TSKU: variants seen among roughly 807,000 people sequenced by gnomAD.
TSKU encodes tsukushi, small leucine rich proteoglycan.
Under a neutral mutation model 11.2 loss-of-function variants are expected in TSKU, and 4 were observed. That is an observed-to-expected ratio of 0.36 (90% CI 0.18 to 0.82). The LOEUF (loss-of-function observed/expected upper bound fraction) is 0.82, where lower values mean the gene tolerates loss of function less well. Ranked by LOEUF, TSKU falls within the 40% of genes least tolerant of loss-of-function variation. The pLI is 0.50. For missense variants in TSKU, 407 were observed against 482.5 expected, an observed-to-expected ratio of 0.84 and a Z score of 1.47; for synonymous variants, 220 against 232.2, an observed-to-expected ratio of 0.95 and a Z score of 0.48.
In TSKU at chr11:76,796,081, T is replaced by A; in HGVS notation, c.465T>A (p.Ser155Arg). The change falls in exon 2 of 2, where the codon AGT (serine) becomes AGA (arginine). Residue 155 changes from serine to arginine, a missense_variant. Ser to Arg is a moderately radical substitution (Grantham distance 110). Coordinates refer to ENST00000333090, the MANE Select transcript of TSKU (RefSeq NM_015516.4). This position sits in a 1 kb window ranked among gnomAD's most constrained non-coding sequence, Gnocchi z 4.1. ...EVSVSAFTTH[S>R]QGRALHVDLS... ...CAGTGTCTGCCTTCACGACGCACAG[T>A]CAGGGCCGGGCACTACACGTGGACC... The A allele has an allele frequency of 9.9e-6, 16 of 1,613,860 alleles. No homozygotes were observed. The highest frequency in any genetic ancestry group is 1.4e-5 in the Non-Finnish European group (16 of 1,179,988).
Position 76,795,875 on chromosome 11 carries a change from G to C in TSKU, c.259G>C (p.Ala87Pro). ...VLAGPGYTTL[A>P]GLDLSHNLLT... ...GGCGGGGCCGGGCTACACGACGTTGGCTGGCCTGGATCTCAGCCACAACCT... is the reference window on the plus strand; with the variant it reads ...GGCGGGGCCGGGCTACACGACGTTGCCTGGCCTGGATCTCAGCCACAACCT... Residue 87 changes from alanine (A) to proline (P), a missense_variant, in exon 2 of 2, where the codon GCT becomes CCT. By Grantham distance (27) the Ala-to-Pro change is conservative. Coordinates refer to ENST00000333090, the MANE Select transcript of TSKU (RefSeq NM_015516.4). 1.2e-6 allele frequency: 2 copies of C among 1,613,744 alleles called. No homozygotes were observed. The highest frequency in any genetic ancestry group is 1.7e-6 in the Non-Finnish European group (2 of 1,180,016).
At position 76,796,764 on chromosome 11, in the gene TSKU, C is replaced by G. The variant is rs1944459001; in HGVS notation, c.*86C>G. On this transcript the variant is annotated 3_prime_UTR_variant, in exon 2 of 2. Transcript: ENST00000333090. This position sits in a 1 kb window ranked among gnomAD's most constrained non-coding sequence, Gnocchi z 4.1. ...GTAACTTATGTTCAATGTGCCAACA[C>G]CAGTGGGGAGCCCGCAGGCCTATGT... 1 of 1,117,286 alleles carries G rather than the reference C, an allele frequency of 9.0e-7. No homozygotes were observed. The highest frequency in any genetic ancestry group is 2.3e-5 in the South Asian group (1 of 42,812). The allele number at this position is 1,117,286 out of a possible 1,614,324, so 69.2% of individuals were successfully genotyped here. A position where few individuals can be genotyped will look rare whatever the true frequency, so the allele number is the denominator to read the frequency against.
intron 1 of TSKU, among the ~76,000 whole-genome samples, chr11:76,786,564 A>G (rs1944314490): frequency 6.6e-6 from 1 of 152,208 alleles, no homozygotes; most frequent in Non-Finnish European, 1.5e-5. Flanking sequence ...TCTGTTGGGA[A>G]GTGCGTTCTG....
rs1248164356 is a variant in TSKU at position 76,796,475 on chromosome 11, T to C, written c.859T>C (p.Ser287Pro). ...GLSSLQELDL[S>P]GTNLVPLPEA... ...GAGCTCCCTGCAGGAGCTGGACCTTTCGGGCACCAACCTGGTGCCCCTGCC... is the reference window on the plus strand; with the variant it reads ...GAGCTCCCTGCAGGAGCTGGACCTTCCGGGCACCAACCTGGTGCCCCTGCC... Residue 287 changes from serine to proline, a missense_variant, in exon 2 of 2, where the codon TCG (serine) becomes CCG (proline). Coordinates refer to ENST00000333090, the MANE Select transcript of TSKU (RefSeq NM_015516.4). This position sits in a 1 kb window ranked among gnomAD's most constrained non-coding sequence, Gnocchi z 4.1. 6.2e-7 allele frequency: 1 copy of C among 1,613,026 alleles called. No homozygotes were observed. The highest frequency in any genetic ancestry group is 8.5e-7 in the Non-Finnish European group (1 of 1,179,816).
In TSKU at chr11:76,796,556, G is replaced by A. The variant is rs150165524; in HGVS notation, c.940G>A (p.Val314Met). 137 of 1,592,482 alleles carry A rather than the reference G, an allele frequency of 8.6e-5. 1 individual carries two copies. Among genetic ancestry groups the A allele is most frequent in the Non-Finnish European group, 1.9e-5 (22 of 1,167,794 alleles). The change falls in exon 2 of 2, where the codon GTG (valine) becomes ATG (methionine). Residue 314 changes from valine (V) to methionine (M), a missense_variant. Transcript: ENST00000333090. The surrounding 1 kb of genome is among the most constrained non-coding windows in gnomAD (Gnocchi z 4.1). ...ALQSVSVGQD[V>M]RCRRLVREGT... ...GCAGAGCGTCAGCGTGGGCCAGGAT[G>A]TGCGGTGCCGGCGCCTGGTGCGGGA...
intron 1 of TSKU, among the ~76,000 whole-genome samples, chr11:76,795,320 CA>C (rs1944424696): frequency 6.6e-6 from 1 of 152,274 alleles, no homozygotes; most frequent in Non-Finnish European, 1.5e-5. Context: ...AGGTCCCCCT[CA>C]CTTCAGCCAG....
chr11:76,788,292 G>A (rs191623502), intron 1 of TSKU, among the ~76,000 whole-genome samples: 4 of 152,120 alleles, frequency 2.6e-5, no homozygotes, highest in South Asian at 4.2e-4. Context: ...GGAAGTTGTC[G>A]AGGGCGGTGG....
chr11:76,788,671 C>A (rs903642274), intron 1 of TSKU, among the ~76,000 whole-genome samples: 1 of 152,238 alleles, frequency 6.6e-6, no homozygotes, highest in East Asian at 1.9e-4. Flanking sequence ...TGTTGAGGAC[C>A]CTCGGAGCGG....
intron 1 of TSKU, among the ~76,000 whole-genome samples, chr11:76,785,467 C>T (rs1944302553): frequency 6.6e-6 from 1 of 152,214 alleles, no homozygotes; most frequent in South Asian, 2.1e-4. Context: ...CAGGAGATTC[C>T]TCCTGCTCAT....
intron 1 of TSKU, among the ~76,000 whole-genome samples, chr11:76,795,219 G>A (rs1452716947): frequency 6.6e-6 from 1 of 152,210 alleles, no homozygotes; most frequent in Non-Finnish European, 1.5e-5. Flanking sequence ...GAGCTGGAGA[G>A]GCCAGCCCGA....
intron 1 of TSKU, among the ~76,000 whole-genome samples, chr11:76,787,169 G>C (rs983833280): frequency 6.6e-6 from 1 of 152,218 alleles, no homozygotes; most frequent in African/African-American, 2.4e-5. Context: ...CCTCAGAGCA[G>C]TGAAGGCCCT....
Position 76,787,387 on chromosome 11 carries a change from T to G in TSKU, c.-9+3983T>G, listed in dbSNP as rs369515640. 6.6e-5 allele frequency among the ~76,000 whole-genome samples: 10 copies of G among 152,306 alleles called. 2 individuals carry two copies. The highest frequency in any genetic ancestry group is 2.4e-4 in the African/African-American group (10 of 41,558). Reference sequence around the variant, plus strand: ...TTGGGTAAGTTGCTAGGCTTACAGGTCCCTGCGATCATGTCATGGAGGAGG... The same window carrying G: ...TTGGGTAAGTTGCTAGGCTTACAGGGCCCTGCGATCATGTCATGGAGGAGG... On this transcript the variant is annotated intron_variant, in intron 1 of 1. Coordinates refer to ENST00000333090, the MANE Select transcript of TSKU (RefSeq NM_015516.4).
chr11:76,796,867 C>A lies in TSKU; in HGVS notation c.*189C>A. On this transcript the variant is annotated 3_prime_UTR_variant, in exon 2 of 2. Coordinates refer to ENST00000333090, the MANE Select transcript of TSKU (RefSeq NM_015516.4). The surrounding 1 kb of genome is among the most constrained non-coding windows in gnomAD (Gnocchi z 4.1). ...CCACACCTAGGAGCAAAGTCTCACC[C>A]CTTTGTCTACGTTGCTTCCCCAAAC... The A allele has an allele frequency of 2.3e-6, 1 of 443,770 alleles. No individual in the cohort carries two copies. Among genetic ancestry groups the A allele is most frequent in the African/African-American group, 2.0e-5 (1 of 49,708 alleles). The allele number at this position is 443,770 out of a possible 1,614,324, so 27.5% of individuals were successfully genotyped here.
chr11:76,797,304 G>A lies in TSKU; in HGVS notation c.*626G>A, dbSNP rs1341606556. The A allele has an allele frequency of 6.0e-6, 1 of 167,116 alleles. No individual in the cohort carries two copies. Among genetic ancestry groups the A allele is most frequent in the Non-Finnish European group, 1.5e-5 (1 of 68,162 alleles). The allele number at this position is 167,116 out of a possible 1,614,324, so 10.4% of individuals were successfully genotyped here. On this transcript the variant is annotated 3_prime_UTR_variant, in exon 2 of 2. Coordinates refer to ENST00000333090, the MANE Select transcript of TSKU (RefSeq NM_015516.4). ...CGGGCAGTGGCATGACTGGAGCACA[G>A]CCTCCTGCCTCCCAGCCCGGACCCA...
rs760142267 is a variant in TSKU, at chr11:76,796,235, C to G, written c.619C>G (p.Leu207Val). 1.2e-6 allele frequency: 2 copies of G among 1,613,564 alleles called. No homozygotes were observed. Among genetic ancestry groups the G allele is most frequent in the South Asian group, 2.2e-5 (2 of 91,080 alleles). ...CGTGCCCAACCTCCGAGACTTGCCC[C>G]TGCGCTACCTGAGCCTGGATGGGAA... ...HAVPNLRDLP[L>V]RYLSLDGNPL... is the part of the protein sequence containing the mutation. Residue 207 changes from leucine to valine, a missense_variant, in exon 2 of 2, where the codon CTG becomes GTG. Transcript: ENST00000333090. This position sits in a 1 kb window ranked among gnomAD's most constrained non-coding sequence, Gnocchi z 4.1.
rs1025181505 is a variant in TSKU, at chr11:76,797,128, TGCCATGAG to T, written c.*462_*469del. 5.9e-6 allele frequency: 1 copy of T among 170,916 alleles called. No homozygotes were observed. Among genetic ancestry groups the T allele is most frequent in the African/African-American group, 2.4e-5 (1 of 41,614 alleles). 10.6% of individuals were successfully genotyped at this position (170,916 alleles called of 1,614,324 possible). ...TTCTTTTCTAACATAGCCCTTTCTT[TGCCATGAG>T]GCCATGAGGCCCGCTTCATCCTTTT... On this transcript the variant is annotated 3_prime_UTR_variant, in exon 2 of 2. Transcript: ENST00000333090.
rs966851394 is a variant in TSKU at position 76,797,553 on chromosome 11, T to C, written c.*875T>C. On this transcript the variant is annotated 3_prime_UTR_variant, in exon 2 of 2. Transcript: ENST00000333090. ...CACATTGGTTCCAGCCTAGCCAGTT[T>C]CTCACCCTGGGTTGGGGTCCCCCAG... 2.4e-5 allele frequency: 4 copies of C among 167,164 alleles called. No individual in the cohort carries two copies. Among genetic ancestry groups the C allele is most frequent in the Non-Finnish European group, 5.9e-5 (4 of 68,188 alleles). The allele number at this position is 167,164 out of a possible 1,614,324, so 10.4% of individuals were successfully genotyped here.
chr11:76,785,597 C>G (rs1944303895), intron 1 of TSKU, among the ~76,000 whole-genome samples: 1 of 152,134 alleles, frequency 6.6e-6, no homozygotes, highest in African/African-American at 2.4e-5. Context: ...CCAGCAGACG[C>G]AAGGTCTTGA....
rs369746144 is a variant in TSKU, at chr11:76,796,618, G to T, written c.1002G>T (p.Lys334Asn). The T allele has an allele frequency of 2.0e-6, 3 of 1,488,864 alleles. No homozygotes were observed. Among genetic ancestry groups the T allele is most frequent in the Middle Eastern group, 3.6e-4 (2 of 5,606 alleles). 92.2% of individuals were successfully genotyped at this position (1,488,864 alleles called of 1,614,324 possible). The change falls in exon 2 of 2, where the codon AAG (lysine) becomes AAT (asparagine). Residue 334 changes from lysine (K) to asparagine (N), a missense_variant. Transcript: ENST00000333090. The surrounding 1 kb of genome is among the most constrained non-coding windows in gnomAD (Gnocchi z 4.1). The stretch of plus-strand genomic sequence containing the variant: ...CCCGGAGGCCTGGCTCCAGCCCCAA[G>T]GTGGCCCTGCACTGCGTAGACACCC... ...TYPRRPGSSP[K>N]VALHCVDTRD... is the part of the protein sequence containing the mutation.
Sources: gnomAD v4.1 joint callset for allele counts (sites outside exome capture counted in the v4.1 genomes callset) on GRCh38, gnomAD v4.1.1 for gene constraint, Gnocchi (gnomAD v3.1) non-coding constraint, MANE v1.5 for transcripts, NCBI Gene and HGNC (gene_info 2026-07-23, HGNC 2026-07-21) for gene names.